TSHZ2: variants seen among roughly 807,000 people sequenced by gnomAD.
TSHZ2 encodes teashirt homolog 2.
Under a neutral mutation model 74.4 loss-of-function variants are expected in TSHZ2, and 21 were observed. The observed-to-expected ratio is 0.28, with a 90% confidence interval of 0.20 to 0.41. TSHZ2 has a LOEUF of 0.41. Ranked by LOEUF, TSHZ2 falls within the 10% of genes least tolerant of loss-of-function variation. The probability of loss-of-function intolerance (pLI) is 1.00; values close to 1 mark genes in which losing one functional copy is unlikely to be tolerated. For missense variants in TSHZ2, 1,244 were observed against 1,293.5 expected (o/e 0.96, Z 0.59); for synonymous variants, 540 against 515.3 (o/e 1.05, Z -0.65).
At chr20:53,012,002 C>G (rs1340371814) in intron 1 of TSHZ2, among the ~76,000 whole-genome samples, 1 of 152,116 alleles carries the variant, frequency 6.6e-6, no homozygotes, top group Non-Finnish European at 1.5e-5. Context: ...GAAACGGGGT[C>G]TTATGCTAGT....
At chr20:53,296,016 TC>T (rs1991372390) in intron 2 of TSHZ2, among the ~76,000 whole-genome samples, 1 of 144,970 alleles carries the variant, frequency 6.9e-6, no homozygotes, top group Non-Finnish European at 1.5e-5. Flanking sequence ...TTCATTACTA[TC>T]CAGGTCTGTA....
chr20:53,036,643 CATT>C (rs1286278822), intron 1 of TSHZ2, among the ~76,000 whole-genome samples: 3 of 146,962 alleles, frequency 2.0e-5, no homozygotes, highest in South Asian at 4.3e-4. Flanking sequence ...TTGCATTACA[CATT>C]ATATATTATA....
At chr20:53,436,552 T>A (rs964634509) in intron 2 of TSHZ2, among the ~76,000 whole-genome samples, 15 of 138,166 alleles carry the variant, frequency 1.1e-4, no homozygotes, top group Non-Finnish European at 1.6e-4. Context: ...ATTATTATTT[T>A]TTTTTTTTTT....
At chr20:53,300,777 C>G (rs1040483854) in intron 2 of TSHZ2, among the ~76,000 whole-genome samples, 8 of 152,114 alleles carry the variant, frequency 5.3e-5, no homozygotes, top group African/African-American at 1.9e-4. Flanking sequence ...AACCAGGGAG[C>G]TTTGACTAAA....
intron 1 of TSHZ2, among the ~76,000 whole-genome samples, chr20:53,052,416 G>A (rs1286509658): frequency 6.6e-6 from 1 of 152,160 alleles, no homozygotes; most frequent in African/African-American, 2.4e-5. Flanking sequence ...CTGTGCGTGT[G>A]AGGGATCTAG....
intron 1 of TSHZ2, among the ~76,000 whole-genome samples, chr20:53,104,116 C>T (rs1986294286): frequency 6.6e-6 from 1 of 152,128 alleles, no homozygotes; most frequent in African/African-American, 2.4e-5. Context: ...TCGCGCTCTG[C>T]AGAGGTGCCA....
At chr20:53,143,196 G>C (rs2123420704) in intron 1 of TSHZ2, among the ~76,000 whole-genome samples, 1 of 152,302 alleles carries the variant, frequency 6.6e-6, no homozygotes, top group South Asian at 2.1e-4. Context: ...TTTACTCACA[G>C]ACCCCGACAG....
intron 2 of TSHZ2, among the ~76,000 whole-genome samples, chr20:53,406,112 C>A (rs6063939): frequency 6.6e-6 from 1 of 151,758 alleles, no homozygotes; most frequent in Non-Finnish European, 1.5e-5. Flanking sequence ...GAGCTGAGAC[C>A]TAAGTAGTGT....
At chr20:53,036,155 G>A (rs6022238) in intron 1 of TSHZ2, among the ~76,000 whole-genome samples, 61,228 of 151,978 alleles carry the variant, frequency 0.4, 14,143 homozygotes, top group East Asian at 0.71. Context: ...AATTTATGAT[G>A]TACCCACTTA....
chr20:53,173,742 A>G (rs1045981856), intron 1 of TSHZ2, among the ~76,000 whole-genome samples: 1 of 152,164 alleles, frequency 6.6e-6, no homozygotes, highest in Non-Finnish European at 1.5e-5. Flanking sequence ...GTGGGTAGGC[A>G]GGTAGGTAGG....
intron 1 of TSHZ2, among the ~76,000 whole-genome samples, chr20:53,106,546 A>C (rs374303081): frequency 6.6e-6 from 1 of 150,410 alleles, no homozygotes; most frequent in African/African-American, 2.4e-5. Context: ...CTGGGACTAC[A>C]GGCGCCCGCC....
intron 1 of TSHZ2, among the ~76,000 whole-genome samples, chr20:53,034,883 G>A (rs1006600260): frequency 4.6e-5 from 7 of 152,218 alleles, no homozygotes; most frequent in African/African-American, 1.7e-4. Flanking sequence ...TGATGGAAAC[G>A]ATTGGCAGGG....
chr20:53,056,755 C>T (rs955856930), intron 1 of TSHZ2, among the ~76,000 whole-genome samples: 1 of 152,186 alleles, frequency 6.6e-6, no homozygotes, highest in African/African-American at 2.4e-5. Context: ...CCCATCTTTC[C>T]CTGCACCTGG....
chr20:53,143,371 G>T (rs192771044), intron 1 of TSHZ2, among the ~76,000 whole-genome samples: 73 of 152,298 alleles, frequency 4.8e-4, no homozygotes, highest in Admixed American at 1.7e-3. Flanking sequence ...AACTCCCCAT[G>T]CCCCTGAGAA....
chr20:53,406,679 G>T (rs1982864808), intron 2 of TSHZ2, among the ~76,000 whole-genome samples: 1 of 152,196 alleles, frequency 6.6e-6, no homozygotes, highest in African/African-American at 2.4e-5. Context: ...GAATGTAGAA[G>T]TGAGCAAAGC....
intron 1 of TSHZ2, among the ~76,000 whole-genome samples, chr20:53,134,198 G>T (rs1987184127): frequency 6.6e-6 from 1 of 152,096 alleles, no homozygotes; most frequent in Non-Finnish European, 1.5e-5. Flanking sequence ...AACCCATAAA[G>T]AAGTGCTCTG....
chr20:53,225,115 T>C (rs1989655267), intron 1 of TSHZ2, among the ~76,000 whole-genome samples: 1 of 152,208 alleles, frequency 6.6e-6, no homozygotes, highest in African/African-American at 2.4e-5. Context: ...CAATAAGATT[T>C]TATTAGTGAA....
chr20:53,042,987 C>T (rs1568733078), intron 1 of TSHZ2, among the ~76,000 whole-genome samples: 1 of 152,156 alleles, frequency 6.6e-6, no homozygotes, highest in Non-Finnish European at 1.5e-5. Context: ...CAGTGGAGTG[C>T]AGTGTCACTG....
intron 1 of TSHZ2, among the ~76,000 whole-genome samples, chr20:53,219,729 A>G (rs1989512951): frequency 6.6e-6 from 1 of 152,198 alleles, no homozygotes; most frequent in Non-Finnish European, 1.5e-5. Context: ...ATATACATGG[A>G]AGAATGCATT....
Sources: allele counts gnomAD v4.1 joint callset (sites outside exome capture counted in the v4.1 genomes callset), GRCh38; gene constraint gnomAD v4.1.1; transcripts MANE v1.5; gene names NCBI Gene and HGNC (gene_info 2026-07-23, HGNC 2026-07-21).